Variants in RALGAPA2 observed in about 807,000 individuals in gnomAD.
The protein encoded by RALGAPA2 is ral GTPase-activating protein subunit alpha-2.
Under a neutral mutation model 230.4 loss-of-function variants are expected in RALGAPA2, and 139 were observed. That is an observed-to-expected ratio of 0.60 (90% confidence interval 0.53 to 0.69). The LOEUF (loss-of-function observed/expected upper bound fraction) is 0.69, where lower values mean the gene tolerates loss of function less well. Ranked by LOEUF, RALGAPA2 falls within the 30% of genes least tolerant of loss-of-function variation. RALGAPA2 has a pLI of 0.00. For synonymous variants in RALGAPA2, 847 were observed against 837.8 expected (o/e 1.01, Z -0.19); for missense variants, 2,163 against 2,276.0 (o/e 0.95, Z 1.01).
chr20:20,416,244 C>T lies in RALGAPA2; in HGVS notation c.5496-4096G>A, dbSNP rs183000778. 3.3e-5 allele frequency among the ~76,000 whole-genome samples: 5 copies of T among 152,270 alleles called. No homozygotes were observed. The East Asian group carries it at 9.6e-4, about 29-fold the overall frequency. On this transcript the variant is annotated intron_variant, in intron 37 of 39. Coordinates refer to ENST00000202677, the MANE Select transcript of RALGAPA2 (RefSeq NM_020343.4). Reference sequence around the variant, plus strand: ...CTCCTCCCTGCCTCTACCATGTGGGCCTAGGGTTTTGTTGCAGAAAGAATG... The same window carrying T: ...CTCCTCCCTGCCTCTACCATGTGGGTCTAGGGTTTTGTTGCAGAAAGAATG...
intron 23 of RALGAPA2, among the ~76,000 whole-genome samples, chr20:20,559,208 T>C (rs549533701): frequency 3.9e-5 from 6 of 152,312 alleles, no homozygotes; most frequent in Admixed American, 3.9e-4. Flanking sequence ...CATTTTTGTG[T>C]TCTGCAAAAA....
Position 20,393,124 on chromosome 20 carries a change from C to G in RALGAPA2, c.*165G>C. ...CTAATGGGAAGACCTGCTGAGGGCA[C>G]TAGTACAGCAACGAAATTTCCTGGA... is the stretch of plus-strand genomic sequence containing the variant. On this transcript the variant is annotated 3_prime_UTR_variant, in exon 40 of 40. Transcript: ENST00000202677. 1 of 1,360,466 alleles carries G rather than the reference C, an allele frequency of 7.4e-7. No individual in the cohort carries two copies. Among genetic ancestry groups the G allele is most frequent in the South Asian group, 1.2e-5 (1 of 86,210 alleles). The allele number at this position is 1,360,466 out of a possible 1,614,324, so 84.3% of individuals were successfully genotyped here. A position where few individuals can be genotyped will look rare whatever the true frequency, so the allele number is the denominator to read the frequency against.
chr20:20,426,924 T>TA (rs2122919988), intron 37 of RALGAPA2, among the ~76,000 whole-genome samples: 1 of 152,360 alleles, frequency 6.6e-6, no homozygotes, highest in East Asian at 1.9e-4. Context: ...CTATCTCATT[T>TA]AATCCTCACA....
chr20:20,663,531 A>T (rs528968144), intron 3 of RALGAPA2, among the ~76,000 whole-genome samples: 2 of 152,288 alleles, frequency 1.3e-5, no homozygotes, highest in African/African-American at 4.8e-5. Flanking sequence ...AGCACTGTAC[A>T]GCTTCTCTTT....
chr20:20,712,607 G>GCCA lies in RALGAPA2; in HGVS notation c.-128_-127insTGG. 1 of 1,175,960 alleles carries GCCA rather than the reference G, an allele frequency of 8.5e-7. No individual in the cohort carries two copies. Among genetic ancestry groups the GCCA allele is most frequent in the Non-Finnish European group, 1.1e-6 (1 of 945,250 alleles). 72.8% of individuals were successfully genotyped at this position (1,175,960 alleles called of 1,614,324 possible). A position where few individuals can be genotyped will look rare whatever the true frequency, so the allele number is the denominator to read the frequency against. On this transcript the variant is annotated 5_prime_UTR_variant, in exon 1 of 40. Coordinates refer to ENST00000202677, the MANE Select transcript of RALGAPA2 (RefSeq NM_020343.4). This position sits in a 1 kb window ranked among gnomAD's most constrained non-coding sequence, Gnocchi z 5.5. ...CGCCGCCCCCAGCCCCGCTGCTGCC[G>GCCA]CCGCCGCCGCCGCCGCCGCCGCCTC...
At chr20:20,534,271 C>G (rs2063442299) in intron 26 of RALGAPA2, among the ~76,000 whole-genome samples, 1 of 151,918 alleles carries the variant, frequency 6.6e-6, no homozygotes, top group Non-Finnish European at 1.5e-5. Flanking sequence ...GGTGAAATCC[C>G]GTCTCTACTA....
At position 20,605,157 on chromosome 20, in the gene RALGAPA2, C is replaced by G; in HGVS notation, c.2038+18G>C. 6.4e-7 allele frequency: 1 copy of G among 1,567,134 alleles called. No homozygotes were observed. The highest frequency in any genetic ancestry group is 1.3e-5 in the African/African-American group (1 of 74,208). On this transcript the variant is annotated intron_variant, in intron 15 of 39. Transcript: ENST00000202677. ...CCAGTCCTAGACATCTGGTGTTAAC[C>G]TGGAAGAGTGGAAATACCTTTGCCT...
At chr20:20,459,131 C>G (rs1340542020) in intron 37 of RALGAPA2, among the ~76,000 whole-genome samples, 1 of 151,778 alleles carries the variant, frequency 6.6e-6, no homozygotes, top group Non-Finnish European at 1.5e-5. Flanking sequence ...AGATGGACCC[C>G]TTGGAATCAC....
chr20:20,464,962 A>C (rs1391655138), intron 37 of RALGAPA2, among the ~76,000 whole-genome samples: 2 of 152,156 alleles, frequency 1.3e-5, no homozygotes, highest in African/African-American at 4.8e-5. Context: ...GAGAGAGTTA[A>C]TGTATATTTA....
intron 37 of RALGAPA2, among the ~76,000 whole-genome samples, chr20:20,423,230 G>A (rs1298827807): frequency 6.6e-6 from 1 of 152,192 alleles, no homozygotes; most frequent in Non-Finnish European, 1.5e-5. Flanking sequence ...GGAGTCTGAA[G>A]AGCCCAAGGG....
chr20:20,466,658 C>G (rs1457072795), intron 37 of RALGAPA2, among the ~76,000 whole-genome samples: 1 of 152,190 alleles, frequency 6.6e-6, no homozygotes, highest in Non-Finnish European at 1.5e-5. Context: ...GGCCGTAGTT[C>G]CTGTGACTGG....
chr20:20,605,493 C>T, intron 14 of RALGAPA2, 81 bp from the exon 15 acceptor site: 3 of 992,146 alleles, frequency 3.0e-6, no homozygotes, highest in Non-Finnish European at 3.0e-6. Context: ...TTTTAAATTA[C>T]TATTAATAAC....
chr20:20,390,916 C>G lies in RALGAPA2; in HGVS notation c.*2373G>C, dbSNP rs1194791581. The stretch of plus-strand genomic sequence containing the variant: ...GGGTCGTTATAATCCTCAGGGGTTA[C>G]AGGAGGGTTGAGTTATTTGCTGCCT... On this transcript the variant is annotated 3_prime_UTR_variant, in exon 40 of 40. Coordinates refer to ENST00000202677, the MANE Select transcript of RALGAPA2 (RefSeq NM_020343.4). 6.6e-6 allele frequency: 1 copy of G among 152,142 alleles called. No individual in the cohort carries two copies. Among genetic ancestry groups the G allele is most frequent in the Admixed American group, 6.5e-5 (1 of 15,272 alleles). 9.4% of individuals were successfully genotyped at this position (152,142 alleles called of 1,614,324 possible). A position where few individuals can be genotyped will look rare whatever the true frequency, so the allele number is the denominator to read the frequency against.
At chr20:20,448,628 C>G (rs1217447414) in intron 37 of RALGAPA2, among the ~76,000 whole-genome samples, 2 of 152,042 alleles carry the variant, frequency 1.3e-5, no homozygotes, top group African/African-American at 4.8e-5. Flanking sequence ...ACAAAGTTTC[C>G]CAGGCAATTC....
intron 39 of RALGAPA2, among the ~76,000 whole-genome samples, chr20:20,394,637 A>T (rs981663556): frequency 1.3e-5 from 2 of 152,078 alleles, no homozygotes; most frequent in Admixed American, 1.3e-4. Flanking sequence ...TCTCAAAAAA[A>T]AAACACCACA....
Position 20,391,096 on chromosome 20 carries a change from C to T in RALGAPA2, c.*2193G>A, listed in dbSNP as rs963484262. On this transcript the variant is annotated 3_prime_UTR_variant, in exon 40 of 40. Coordinates refer to ENST00000202677, the MANE Select transcript of RALGAPA2 (RefSeq NM_020343.4). The stretch of plus-strand genomic sequence containing the variant: ...AATTCCGCAACAGGAGTTTCTAGAG[C>T]CTGAAGATGAAACGTTCTCCCAGAG... The T allele has an allele frequency of 1.3e-5, 2 of 152,138 alleles. No homozygotes were observed. The highest frequency in any genetic ancestry group is 3.9e-4 in the East Asian group (2 of 5,182). 9.4% of individuals were successfully genotyped at this position (152,138 alleles called of 1,614,324 possible).
At chr20:20,575,365 T>C (rs1201051752) in intron 20 of RALGAPA2, among the ~76,000 whole-genome samples, 2 of 151,958 alleles carry the variant, frequency 1.3e-5, no homozygotes, top group Admixed American at 6.6e-5. Context: ...TCAGTTTCAC[T>C]GTGTTCCTGA....
chr20:20,680,426 T>A (rs1022015176), intron 2 of RALGAPA2, among the ~76,000 whole-genome samples: 5 of 152,206 alleles, frequency 3.3e-5, no homozygotes, highest in Non-Finnish European at 5.9e-5. Context: ...CTTTTCTTTC[T>A]TTTTCAGTAA....
Position 20,524,740 on chromosome 20 carries a change from A to G in RALGAPA2, c.3762+90T>C, listed in dbSNP as rs1314493272. 2.3e-6 allele frequency: 3 copies of G among 1,319,984 alleles called. No homozygotes were observed. The East Asian group carries it at 7.5e-5, about 33-fold the overall frequency. The allele number at this position is 1,319,984 out of a possible 1,614,324, so 81.8% of individuals were successfully genotyped here. Reference sequence around the variant, plus strand: ...AGGCCAATAGAGAAGGATATTACAAAGGATATCACTAGTTGTAACATTATT... The same window carrying G: ...AGGCCAATAGAGAAGGATATTACAAGGGATATCACTAGTTGTAACATTATT... On this transcript the variant is annotated intron_variant, in intron 29 of 39. Transcript: ENST00000202677.
Sources: gnomAD v4.1 joint callset for allele counts (sites outside exome capture counted in the v4.1 genomes callset) on GRCh38, gnomAD v4.1.1 for gene constraint, Gnocchi (gnomAD v3.1) non-coding constraint, MANE v1.5 for transcripts, NCBI Gene and HGNC (gene_info 2026-07-23, HGNC 2026-07-21) for gene names.